PRKG1: variants seen among roughly 807,000 people sequenced by gnomAD.
The protein encoded by PRKG1 is protein kinase cGMP-dependent 1, also known as cGMP-dependent protein kinase 1.
A neutral mutation model predicts 88.1 loss-of-function variants in PRKG1; 35 were observed. The observed-to-expected ratio is 0.40, with a 90% CI of 0.30 to 0.53. The LOEUF (loss-of-function observed/expected upper bound fraction) is 0.53, where lower values mean the gene tolerates loss of function less well. Among genes scored for constraint, PRKG1 ranks in the 20% least tolerant of loss-of-function variants. The pLI is 0.59. For synonymous variants in PRKG1, 303 were observed against 292.5 expected, an observed-to-expected ratio of 1.04 and a Z score of -0.37; for missense variants, 540 against 839.8, an observed-to-expected ratio of 0.64 and a Z score of 4.41.
At chr10:51,995,755 T>C (rs1844423387) in intron 5 of PRKG1, among the ~76,000 whole-genome samples, 1 of 152,130 alleles carries the variant, frequency 6.6e-6, no homozygotes, top group African/African-American at 2.4e-5. Context: ...CAGTTCCTTA[T>C]CTGAAAAATG....
At chr10:51,261,654 T>A (rs999904048) in intron 2 of PRKG1, among the ~76,000 whole-genome samples, 3 of 152,224 alleles carry the variant, frequency 2.0e-5, no homozygotes, top group African/African-American at 7.2e-5. Context: ...ACGCATTCTT[T>A]GGCAGCTTAT....
At chr10:51,626,839 G>GAGTT (rs1418439335) in intron 3 of PRKG1, among the ~76,000 whole-genome samples, 6 of 152,134 alleles carry the variant, frequency 3.9e-5, no homozygotes, top group African/African-American at 1.4e-4. Context: ...ACCTATGCGG[G>GAGTT]AGTTTGAACT....
At chr10:51,600,250 C>A (rs1210058451) in intron 3 of PRKG1, among the ~76,000 whole-genome samples, 1 of 152,128 alleles carries the variant, frequency 6.6e-6, no homozygotes, top group Non-Finnish European at 1.5e-5. Context: ...AATGTGGAAG[C>A]ATGTGTGTCT....
chr10:52,294,207 GA>G lies in PRKG1; in HGVS notation c.*308del, dbSNP rs1239128693. 1.2e-5 allele frequency: 3 copies of G among 248,598 alleles called. No homozygotes were observed. The highest frequency in any genetic ancestry group is 1.7e-4 in the East Asian group (2 of 11,484). 15.4% of individuals were successfully genotyped at this position (248,598 alleles called of 1,614,324 possible). ...GCTTTGCTCTGATTATAATTTGAAAGACTGTAGGAAACACTTCAATGTAGTA... is the reference window on the plus strand; with the variant it reads ...GCTTTGCTCTGATTATAATTTGAAAGCTGTAGGAAACACTTCAATGTAGTA... On this transcript the variant is annotated 3_prime_UTR_variant, in exon 18 of 18. Coordinates refer to ENST00000373980, the MANE Select transcript of PRKG1 (RefSeq NM_006258.4).
chr10:51,119,060 A>C (rs1482220069), intron 1 of PRKG1, among the ~76,000 whole-genome samples: 1 of 152,112 alleles, frequency 6.6e-6, no homozygotes, highest in Non-Finnish European at 1.5e-5. Context: ...ATAATTCTTC[A>C]TTTCTTGCAC....
intron 5 of PRKG1, among the ~76,000 whole-genome samples, chr10:51,981,430 C>A (rs1045531403): frequency 6.6e-6 from 1 of 151,840 alleles, no homozygotes; most frequent in Non-Finnish European, 1.5e-5. Context: ...ACTAAGAATA[C>A]AAAAAATTAG....
intron 7 of PRKG1, among the ~76,000 whole-genome samples, chr10:52,118,282 T>C (rs1320136589): frequency 6.6e-6 from 1 of 152,060 alleles, no homozygotes; most frequent in Non-Finnish European, 1.5e-5. Context: ...TCTTACTTTT[T>C]AATCGGGGTA....
chr10:51,590,184 C>T (rs1270743635), intron 3 of PRKG1, among the ~76,000 whole-genome samples: 2 of 152,178 alleles, frequency 1.3e-5, no homozygotes, highest in Admixed American at 1.3e-4. Flanking sequence ...CTGCTACAAA[C>T]ATATCCAAGA....
intron 3 of PRKG1, among the ~76,000 whole-genome samples, chr10:51,673,485 G>A (rs1427657294): frequency 1.3e-5 from 2 of 152,136 alleles, no homozygotes; most frequent in African/African-American, 4.8e-5. Flanking sequence ...GAGTGTGGTA[G>A]TGAGGAGTTT....
intron 1 of PRKG1, among the ~76,000 whole-genome samples, chr10:50,993,970 T>C (rs1404236209): frequency 6.6e-6 from 1 of 152,216 alleles, no homozygotes; most frequent in African/African-American, 2.4e-5. Flanking sequence ...GAGTGGATCA[T>C]GCGCAGTAGC....
At chr10:51,618,713 T>C (rs902461514) in intron 3 of PRKG1, among the ~76,000 whole-genome samples, 3 of 152,074 alleles carry the variant, frequency 2.0e-5, no homozygotes, top group African/African-American at 7.2e-5. Flanking sequence ...GGAAGTAGCA[T>C]TGTCTGCTTT....
chr10:51,715,144 A>G (rs1841855894), intron 3 of PRKG1, among the ~76,000 whole-genome samples: 3 of 152,128 alleles, frequency 2.0e-5, no homozygotes, highest in Non-Finnish European at 4.4e-5. Flanking sequence ...GATAATAGGG[A>G]GGTTTGGTTT....
chr10:51,278,989 T>G (rs1272511394), intron 2 of PRKG1, among the ~76,000 whole-genome samples: 1 of 152,212 alleles, frequency 6.6e-6, no homozygotes, highest in East Asian at 1.9e-4. Context: ...TTTCTTGCCT[T>G]CTGCTAGCTT....
chr10:51,308,612 T>C (rs1322451531), intron 2 of PRKG1, among the ~76,000 whole-genome samples: 2 of 152,132 alleles, frequency 1.3e-5, no homozygotes, highest in East Asian at 3.9e-4. Context: ...TAACAATCAG[T>C]AGTCAGTGTG....
intron 3 of PRKG1, among the ~76,000 whole-genome samples, chr10:51,536,157 A>T (rs1041815917): frequency 1.3e-5 from 2 of 152,220 alleles, no homozygotes; most frequent in Non-Finnish European, 2.9e-5. Context: ...TCATAAAAAG[A>T]AGTACAAAAC....
chr10:51,156,877 A>G (rs1469112030), intron 2 of PRKG1, among the ~76,000 whole-genome samples: 4 of 151,968 alleles, frequency 2.6e-5, no homozygotes, highest in African/African-American at 9.7e-5. Context: ...TATAAAGAGT[A>G]TACCATGGTA....
chr10:51,876,269 T>TG (rs1186478701), intron 4 of PRKG1, among the ~76,000 whole-genome samples: 1 of 152,082 alleles, frequency 6.6e-6, no homozygotes, highest in Admixed American at 6.6e-5. Flanking sequence ...TCACACAAAG[T>TG]GACAAATCTC....
At chr10:51,653,063 A>C (rs1269179989) in intron 3 of PRKG1, among the ~76,000 whole-genome samples, 7 of 152,186 alleles carry the variant, frequency 4.6e-5, no homozygotes, top group Admixed American at 6.5e-5. Flanking sequence ...ATTAAAACCA[A>C]ATAGTATTTC....
chr10:51,805,416 T>G (rs1839279579), intron 4 of PRKG1, among the ~76,000 whole-genome samples: 2 of 152,014 alleles, frequency 1.3e-5, no homozygotes, highest in Non-Finnish European at 2.9e-5. Flanking sequence ...TATTATCTTA[T>G]AACTGAAAAG....
Sources: gnomAD v4.1 joint callset for allele counts (sites outside exome capture counted in the v4.1 genomes callset) on GRCh38, gnomAD v4.1.1 for gene constraint, MANE v1.5 for transcripts, NCBI Gene and HGNC (gene_info 2026-07-23, HGNC 2026-07-21) for gene names.